PIK3CG: variants seen among roughly 807,000 people sequenced by gnomAD.
The protein encoded by PIK3CG is phosphatidylinositol 4,5-bisphosphate 3-kinase catalytic subunit gamma isoform.
PIK3CG carries 55 observed loss-of-function variants against 102.3 expected under a neutral mutation model. That is an observed-to-expected ratio of 0.54 (90% CI 0.43 to 0.67). The LOEUF (loss-of-function observed/expected upper bound fraction) is 0.67. Among genes scored for constraint, PIK3CG ranks in the 30% least tolerant of loss-of-function variants. The probability of loss-of-function intolerance (pLI) is 0.00; values close to 1 mark genes in which losing one functional copy is unlikely to be tolerated. For synonymous variants in PIK3CG, 552 were observed against 540.0 expected, an observed-to-expected ratio of 1.02 and a Z score of -0.31; for missense variants, 1,258 against 1,391.8, an observed-to-expected ratio of 0.90 and a Z score of 1.53.
At chr7:106,873,362 G>A (rs942863831) in intron 4 of PIK3CG, among the ~76,000 whole-genome samples, 1 of 152,100 alleles carries the variant, frequency 6.6e-6, no homozygotes, top group Non-Finnish European at 1.5e-5. Context: ...ATATCTCAGA[G>A]TGATATATAG....
Position 106,865,433 on chromosome 7 carries a change from C to T in PIK3CG, c.-13+7C>T, listed in dbSNP as rs1790245235. The stretch of plus-strand genomic sequence containing the variant: ...GCCTCCGCTGCTTTATCAGGTATTG[C>T]TTCCTTCTATTTTTTGCTCTTTGTG... On this transcript the variant is annotated splice_region_variant and intron_variant, in intron 1 of 10. Transcript: ENST00000496166. 1 of 152,044 alleles carries T rather than the reference C, an allele frequency of 6.6e-6. No homozygotes were observed. The highest frequency in any genetic ancestry group is 2.4e-5 in the African/African-American group (1 of 41,394). The allele number at this position is 152,044 out of a possible 1,614,324, so 9.4% of individuals were successfully genotyped here. A position where few individuals can be genotyped will look rare whatever the true frequency, so the allele number is the denominator to read the frequency against.
In PIK3CG at chr7:106,874,679, G is replaced by A. The variant is rs372158040; in HGVS notation, c.2288-21G>A. ...GATTTCTGGAACTCACATAACTCTT[G>A]TGTACTTTTGACAATTACAGTTATT... On this transcript the variant is annotated intron_variant, in intron 4 of 10. Transcript: ENST00000496166. This position sits in a 1 kb window ranked among gnomAD's most constrained non-coding sequence, Gnocchi z 4.3. The A allele has an allele frequency of 6.9e-7, 1 of 1,442,880 alleles. No individual in the cohort carries two copies. The highest frequency in any genetic ancestry group is 1.4e-5 in the African/African-American group (1 of 71,530). The allele number at this position is 1,442,880 out of a possible 1,614,324, so 89.4% of individuals were successfully genotyped here.
rs773009910 is a variant in PIK3CG at position 106,867,611 on chromosome 7, G to A, written c.50G>A (p.Cys17Tyr). ...KQPVVLREDNCRRRRRMKPRS... is the reference protein window; with the variant it reads ...KQPVVLREDNYRRRRRMKPRS... Reference sequence around the variant, plus strand: ...CCCGTGGTGCTGAGAGAGGACAACTGCCGAAGGCGCCGGAGGATGAAGCCG... The same window carrying A: ...CCCGTGGTGCTGAGAGAGGACAACTACCGAAGGCGCCGGAGGATGAAGCCG... Residue 17 changes from cysteine (C) to tyrosine (Y), a missense_variant, in exon 2 of 11, where the codon TGC becomes TAC. By Grantham distance (194) the Cys-to-Tyr change is radical. Coordinates refer to ENST00000496166, the MANE Select transcript of PIK3CG (RefSeq NM_001282426.2). The surrounding 1 kb of genome is among the most constrained non-coding windows in gnomAD (Gnocchi z 5.1). 11 of 1,608,794 alleles carry A rather than the reference G, an allele frequency of 6.8e-6. No individual in the cohort carries two copies. The highest frequency in any genetic ancestry group is 5.9e-6 in the Non-Finnish European group (7 of 1,177,822).
rs1790895594 is a variant in PIK3CG at position 106,880,388 on chromosome 7, A to T, written c.2538+723A>T. Among the ~76,000 whole-genome samples the T allele has an allele frequency of 2.6e-5, 4 of 152,280 alleles. No homozygotes were observed. In the South Asian group the frequency reaches 6.2e-4, roughly 24 times the overall value. On this transcript the variant is annotated intron_variant, in intron 6 of 10. Transcript: ENST00000496166. This position sits in a 1 kb window ranked among gnomAD's most constrained non-coding sequence, Gnocchi z 4.2. ...TAAAACTGGTCATGTTTCCAATTGT[A>T]AGTTTCTGTTTTTACTTATTTCTAA...
chr7:106,870,881 A>G (rs1348934564), intron 2 of PIK3CG, among the ~76,000 whole-genome samples: 1 of 152,204 alleles, frequency 6.6e-6, no homozygotes, highest in Admixed American at 6.5e-5. Flanking sequence ...AGATATTTGT[A>G]TAACACTAAA....
At position 106,868,428 on chromosome 7, in the gene PIK3CG, C is replaced by A. The variant is rs1163705888; in HGVS notation, c.867C>A (p.Asn289Lys). 2 of 1,614,228 alleles carry A rather than the reference C, an allele frequency of 1.2e-6. No homozygotes were observed. Among genetic ancestry groups the A allele is most frequent in the Admixed American group, 3.3e-5 (2 of 60,032 alleles). The part of the protein sequence containing the change: ...EYLVGETPIK[N>K]FQWVRHCLKN... The stretch of plus-strand genomic sequence containing the variant: ...TGGTGGGCGAAACGCCCATCAAAAA[C>A]TTCCAGTGGGTGAGGCACTGCCTCA... Residue 289 changes from asparagine to lysine, a missense_variant, in exon 2 of 11, where the codon AAC (asparagine) becomes AAA (lysine). By Grantham distance (94) the Asn-to-Lys change is moderately conservative (BLOSUM62 0). Around this residue, in one of 2 missense-constraint regions of PIK3CG, gnomAD observed 832 missense variants for 787.5 expected, o/e 1.06. Transcript: ENST00000496166. The surrounding 1 kb of genome is among the most constrained non-coding windows in gnomAD (Gnocchi z 6.2).
rs1315748037 is a variant in PIK3CG, at chr7:106,867,728, C to T, written c.167C>T (p.Thr56Met). 3.7e-6 allele frequency: 6 copies of T among 1,612,988 alleles called. No homozygotes were observed. The highest frequency in any genetic ancestry group is 1.3e-5 in the African/African-American group (1 of 74,946). ...TSQRKCKSPE[T>M]ALLHVAGHGN... Reference sequence around the variant, plus strand: ...CAGCGCAAATGCAAGAGCCCCGAAACGGCGCTGCTGCACGTGGCCGGCCAC... The same window carrying T: ...CAGCGCAAATGCAAGAGCCCCGAAATGGCGCTGCTGCACGTGGCCGGCCAC... The change falls in exon 2 of 11, where the codon ACG becomes ATG. Residue 56 changes from threonine to methionine, a missense_variant. This residue lies in a region of PIK3CG where 832 missense variants were observed against 787.5 expected (regional missense o/e 1.06). Transcript: ENST00000496166. This position sits in a 1 kb window ranked among gnomAD's most constrained non-coding sequence, Gnocchi z 5.1.
intron 10 of PIK3CG, among the ~76,000 whole-genome samples, chr7:106,888,738 CTG>C (rs1196460989): frequency 3.9e-5 from 6 of 152,204 alleles, no homozygotes; most frequent in African/African-American, 1.4e-4. Context: ...GCCTGTGAAT[CTG>C]TGCACGTTGA....
rs1325452295 is a variant in PIK3CG, at chr7:106,893,558, T to C, written c.3030+7266T>C. Among the ~76,000 whole-genome samples, 2 of 152,254 alleles carry C rather than the reference T, an allele frequency of 1.3e-5. No homozygotes were observed. The highest frequency in any genetic ancestry group is 2.9e-5 in the Non-Finnish European group (2 of 68,050). ...TTGTCAGGGACATTGTTTACCATAT[T>C]ACAAAACATACTCTCTCTATTAAGA... is the stretch of plus-strand genomic sequence containing the variant. On this transcript the variant is annotated intron_variant, in intron 10 of 10. Transcript: ENST00000496166. The surrounding 1 kb of genome is among the most constrained non-coding windows in gnomAD (Gnocchi z 4.4).
At position 106,874,753 on chromosome 7, in the gene PIK3CG, G is replaced by A. The variant is rs146675267; in HGVS notation, c.2341G>A (p.Glu781Lys). The stretch of plus-strand genomic sequence containing the variant: ...AAACCTGCAGAATTCTCAACTCCCC[G>A]AAAGCTTTAGAGTTCCATATGATCC... Reference protein sequence around the residue: ...LENLQNSQLPESFRVPYDPGL... With the variant: ...LENLQNSQLPKSFRVPYDPGL... Residue 781 changes from glutamate (E) to lysine (K), a missense_variant, in exon 5 of 11, where the codon GAA becomes AAA. Transcript: ENST00000496166. This position sits in a 1 kb window ranked among gnomAD's most constrained non-coding sequence, Gnocchi z 4.3. The A allele has an allele frequency of 1.7e-5, 28 of 1,614,002 alleles. No homozygotes were observed. Among genetic ancestry groups the A allele is most frequent in the East Asian group, 1.1e-4 (5 of 44,886 alleles).
At chr7:106,876,081 AT>A (rs1219475319) in intron 5 of PIK3CG, among the ~76,000 whole-genome samples, 2 of 149,378 alleles carry the variant, frequency 1.3e-5, no homozygotes, top group African/African-American at 4.9e-5. Context: ...CGCCCGGCTA[AT>A]TTTTTGTATT....
rs1336551828 is a variant in PIK3CG, at chr7:106,874,570, C to T, written c.2288-130C>T. The T allele has an allele frequency of 1.5e-6, 1 of 679,872 alleles. No homozygotes were observed. The highest frequency in any genetic ancestry group is 2.5e-6 in the Non-Finnish European group (1 of 403,032). 42.1% of individuals were successfully genotyped at this position (679,872 alleles called of 1,614,324 possible). ...GCTCCTCAAAGGCAGGGCCCACCCA[C>T]ATTTCTCCTGCTCTACACCAGAACA... On this transcript the variant is annotated intron_variant, in intron 4 of 10. Coordinates refer to ENST00000496166, the MANE Select transcript of PIK3CG (RefSeq NM_001282426.2). The surrounding 1 kb of genome is among the most constrained non-coding windows in gnomAD (Gnocchi z 4.3).
At chr7:106,896,758 AC>A (rs1443882330) in intron 10 of PIK3CG, among the ~76,000 whole-genome samples, 4 of 152,134 alleles carry the variant, frequency 2.6e-5, no homozygotes, top group Non-Finnish European at 5.9e-5. Context: ...TTGAGCCTTC[AC>A]TATGTACCGG....
At position 106,908,226 on chromosome 7, in the gene PIK3CG, C is replaced by A. The variant is rs1273761049; in HGVS notation, c.*2839C>A. Among the ~76,000 whole-genome samples the A allele has an allele frequency of 6.6e-6, 1 of 152,144 alleles. No individual in the cohort carries two copies. The highest frequency in any genetic ancestry group is 1.5e-5 in the Non-Finnish European group (1 of 68,026). ...CGAGATGGCAACAGCAGTTGTCACA[C>A]CAAGCACAGTGCCCTTCTGAGCATG... is the stretch of plus-strand genomic sequence containing the variant. On this transcript the variant is annotated 3_prime_UTR_variant, in exon 11 of 11. Transcript: ENST00000496166. This position sits in a 1 kb window ranked among gnomAD's most constrained non-coding sequence, Gnocchi z 4.1.
At chr7:106,882,819 T>C (rs538216771) in intron 7 of PIK3CG, 34 of 454,590 alleles carry the variant, frequency 7.5e-5, no homozygotes, top group East Asian at 7.2e-4. Flanking sequence ...TTCTGGGATA[T>C]TGAAAACATA....
rs1391961283 is a variant in PIK3CG at position 106,880,960 on chromosome 7, T to C, written c.2539-1157T>C. The stretch of plus-strand genomic sequence containing the variant: ...CACACAACTTTCACAGTCTTCTCCT[T>C]TTCTTTCCCTTCCTCATAAGAAAAC... On this transcript the variant is annotated intron_variant, in intron 6 of 10. Transcript: ENST00000496166. This position sits in a 1 kb window ranked among gnomAD's most constrained non-coding sequence, Gnocchi z 4.2. Among the ~76,000 whole-genome samples the C allele has an allele frequency of 6.6e-6, 1 of 152,128 alleles. No individual in the cohort carries two copies. The highest frequency in any genetic ancestry group is 1.5e-5 in the Non-Finnish European group (1 of 68,010).
rs1386026651 is a variant in PIK3CG at position 106,869,482 on chromosome 7, A to T, written c.1921A>T (p.Arg641Ter). ...CTGCAACTTCTCAGATGAAAATGTAAGAGCCATTGCAGTTCAGAAACTGGA... is the reference window on the plus strand; with the variant it reads ...CTGCAACTTCTCAGATGAAAATGTATGAGCCATTGCAGTTCAGAAACTGGA... ...LDCNFSDENV[R>*]AIAVQKLESL... Residue 641 changes from arginine to a stop codon, truncating the protein, a stop_gained, in exon 2 of 11, where the codon AGA (arginine) becomes TGA (stop). Transcript: ENST00000496166. LOFTEE classifies it high-confidence loss of function. The surrounding 1 kb of genome is among the most constrained non-coding windows in gnomAD (Gnocchi z 5.3). 3.1e-6 allele frequency: 5 copies of T among 1,614,206 alleles called. No individual in the cohort carries two copies. Among genetic ancestry groups the T allele is most frequent in the Non-Finnish European group, 4.2e-6 (5 of 1,179,998 alleles).
Position 106,892,238 on chromosome 7 carries a change from C to T in PIK3CG, c.3030+5946C>T, listed in dbSNP as rs988214370. Among the ~76,000 whole-genome samples the T allele has an allele frequency of 6.6e-6, 1 of 152,084 alleles. No individual in the cohort carries two copies. Among genetic ancestry groups the T allele is most frequent in the African/African-American group, 2.4e-5 (1 of 41,418 alleles). On this transcript the variant is annotated intron_variant, in intron 10 of 10. Transcript: ENST00000496166. This position sits in a 1 kb window ranked among gnomAD's most constrained non-coding sequence, Gnocchi z 5.2. ...TTTCCGGTCACTATTCTCTACCTCC[C>T]CTTCCTTTGTGTGATAACCCTCATC...
Position 106,874,822 on chromosome 7 carries a change from T to A in PIK3CG, c.2391+19T>A, listed in dbSNP as rs1289428829. ...GCTGGCAGTAGGTATCACTTGGATG[T>A]CTCCATGTGGTCTTTATGTCTTGAA... On this transcript the variant is annotated intron_variant, in intron 5 of 10. Transcript: ENST00000496166. This position sits in a 1 kb window ranked among gnomAD's most constrained non-coding sequence, Gnocchi z 4.3. 3.4e-6 allele frequency: 5 copies of A among 1,476,142 alleles called. No individual in the cohort carries two copies. Among genetic ancestry groups the A allele is most frequent in the South Asian group, 2.3e-5 (2 of 88,018 alleles). 91.4% of individuals were successfully genotyped at this position (1,476,142 alleles called of 1,614,324 possible).
Sources: allele counts gnomAD v4.1 joint callset (sites outside exome capture counted in the v4.1 genomes callset), GRCh38; gene constraint gnomAD v4.1.1; regional missense constraint gnomAD v4.1.1; non-coding constraint Gnocchi (gnomAD v3.1); transcripts MANE v1.5; gene names NCBI Gene and HGNC (gene_info 2026-07-23, HGNC 2026-07-21).